Variants in USP32 observed in about 807,000 individuals in gnomAD.
USP32 encodes ubiquitin carboxyl-terminal hydrolase 32.
In USP32, 59 loss-of-function variants were observed where a neutral mutation model predicts 204.8. The observed-to-expected ratio is 0.29, with a 90% CI of 0.23 to 0.36. USP32 has a LOEUF of 0.36. Ranked by LOEUF, USP32 falls within the 10% of genes least tolerant of loss-of-function variation. The pLI is 1.00. For synonymous variants in USP32, 517 were observed against 678.4 expected, an observed-to-expected ratio of 0.76 and a Z score of 3.70; for missense variants, 1,160 against 1,946.4, an observed-to-expected ratio of 0.60 and a Z score of 7.60.
At chr17:60,349,643 T>TACACA (rs1491565591) in intron 1 of USP32, among the ~76,000 whole-genome samples, 2 of 97,116 alleles carry the variant, frequency 2.1e-5, no homozygotes, top group Admixed American at 1.1e-4. Context: ...TATATATATA[T>TACACA]TATATATATA....
chr17:60,375,454 T>C (rs529626342), intron 1 of USP32, among the ~76,000 whole-genome samples: 55 of 152,350 alleles, frequency 3.6e-4, no homozygotes, highest in African/African-American at 1.3e-3. Context: ...TAAAGGAACG[T>C]CTACAATGCA....
At chr17:60,416,387 G>T (rs759067659) in intron 1 of USP32, among the ~76,000 whole-genome samples, 2 of 152,100 alleles carry the variant, frequency 1.3e-5, no homozygotes, top group Admixed American at 6.6e-5. Flanking sequence ...TGAAACAGGC[G>T]TATGCCATCA....
chr17:60,347,951 T>C (rs2088829949), intron 1 of USP32, among the ~76,000 whole-genome samples: 1 of 151,506 alleles, frequency 6.6e-6, no homozygotes, highest in African/African-American at 2.4e-5. Flanking sequence ...TGAAACCCCG[T>C]CTCTACTAAA....
intron 2 of USP32, among the ~76,000 whole-genome samples, chr17:60,327,649 C>T (rs536890361): frequency 6.6e-6 from 1 of 152,224 alleles, no homozygotes; most frequent in Non-Finnish European, 1.5e-5. Context: ...CGACATGCTC[C>T]AGGCAGTGAG....
chr17:60,268,113 C>T (rs1373494978), intron 7 of USP32, among the ~76,000 whole-genome samples: 1 of 152,132 alleles, frequency 6.6e-6, no homozygotes, highest in Non-Finnish European at 1.5e-5. Context: ...GCCCGGCCAA[C>T]AATTTTAACT....
At chr17:60,415,236 A>C (rs1012381564) in intron 1 of USP32, among the ~76,000 whole-genome samples, 1 of 152,174 alleles carries the variant, frequency 6.6e-6, no homozygotes, top group Non-Finnish European at 1.5e-5. Flanking sequence ...CTGGCAGGGA[A>C]GACACAGGAC....
chr17:60,390,484 A>C (rs1046328891), intron 1 of USP32, among the ~76,000 whole-genome samples: 2 of 152,240 alleles, frequency 1.3e-5, no homozygotes, highest in African/African-American at 2.4e-5. Flanking sequence ...GGGGCAGACA[A>C]AAAAAGTTCA....
intron 1 of USP32, among the ~76,000 whole-genome samples, chr17:60,350,881 C>T (rs2088930960): frequency 6.6e-6 from 1 of 151,996 alleles, no homozygotes; most frequent in South Asian, 2.1e-4. Flanking sequence ...CACCTGTACC[C>T]CAAAAGCTAT....
intron 12 of USP32, among the ~76,000 whole-genome samples, chr17:60,232,122 G>C (rs912208995): frequency 6.6e-6 from 1 of 150,616 alleles, no homozygotes; most frequent in African/African-American, 2.4e-5. Context: ...GGCAGATGAA[G>C]CTCTAAGATC....
At position 60,251,302 on chromosome 17, in the gene USP32, C is replaced by T. The variant is rs184917008; in HGVS notation, c.1136+1079G>A. ...AAAAAAAATAATAATAATAAATAAC[C>T]GTTTTTAAAACTTGTCATTTAAAAA... On this transcript the variant is annotated intron_variant, in intron 11 of 33. Transcript: ENST00000300896. 3.1e-3 allele frequency among the ~76,000 whole-genome samples: 475 copies of T among 152,086 alleles called. 14 individuals carry two copies. The highest frequency in any genetic ancestry group is 0.026 in the Admixed American group (391 of 15,296).
intron 11 of USP32, among the ~76,000 whole-genome samples, chr17:60,246,722 T>C (rs2086037829): frequency 6.6e-6 from 1 of 152,212 alleles, no homozygotes; most frequent in African/African-American, 2.4e-5. Context: ...TTTGTCTTTT[T>C]TATAATAGCC....
chr17:60,231,711 A>G (rs973983352), intron 12 of USP32: 8 of 423,154 alleles, frequency 1.9e-5, no homozygotes, highest in African/African-American at 1.6e-4. Flanking sequence ...GAAAATCTGC[A>G]TGTGAATAGT....
intron 1 of USP32, among the ~76,000 whole-genome samples, chr17:60,388,376 A>T (rs1342008109): frequency 6.6e-6 from 1 of 152,114 alleles, no homozygotes; most frequent in Non-Finnish European, 1.5e-5. Flanking sequence ...AGAGAAGCAG[A>T]TAAGACAGAA....
At chr17:60,271,109 A>G (rs2086714095) in intron 6 of USP32, among the ~76,000 whole-genome samples, 1 of 152,176 alleles carries the variant, frequency 6.6e-6, no homozygotes, top group Non-Finnish European at 1.5e-5. Context: ...TTGGTCAAAC[A>G]CATTTTATAC....
chr17:60,252,048 C>A (rs932604168), intron 11 of USP32, among the ~76,000 whole-genome samples: 2 of 151,860 alleles, frequency 1.3e-5, no homozygotes, highest in Non-Finnish European at 2.9e-5. Context: ...TCTATAAAAT[C>A]TTTCTCTGCT....
upstream of USP32, among the ~76,000 whole-genome samples, chr17:60,394,878 G>A (rs1444120940): frequency 6.6e-6 from 1 of 152,010 alleles, no homozygotes; most frequent in Non-Finnish European, 1.5e-5. Flanking sequence ...TGGGTAGCTG[G>A]GATTATAGGC....
Position 60,321,346 on chromosome 17 carries a change from G to C in USP32, c.187-19642C>G, listed in dbSNP as rs766193854. 1.7e-3 allele frequency among the ~76,000 whole-genome samples: 254 copies of C among 152,228 alleles called. 1 individual carries two copies. The highest frequency in any genetic ancestry group is 5.9e-3 in the African/African-American group (245 of 41,534). On this transcript the variant is annotated intron_variant, in intron 2 of 33. Coordinates refer to ENST00000300896, the MANE Select transcript of USP32 (RefSeq NM_032582.4). ...AACTGACATTGGAACTACAACCAAC[G>C]TAAGACTGGTGGGAACTGATGCCCT...
chr17:60,248,114 C>T (rs1413225305), intron 11 of USP32, among the ~76,000 whole-genome samples: 1 of 152,180 alleles, frequency 6.6e-6, no homozygotes, highest in Non-Finnish European at 1.5e-5. Flanking sequence ...ACCTTTATTT[C>T]TGAATTACAG....
chr17:60,319,565 C>A (rs2088063749), intron 2 of USP32, among the ~76,000 whole-genome samples: 1 of 152,118 alleles, frequency 6.6e-6, no homozygotes, highest in Non-Finnish European at 1.5e-5. Context: ...ATTGCTTGAG[C>A]CCAGGAGTTT....
Sources: gnomAD v4.1 joint callset for allele counts (sites outside exome capture counted in the v4.1 genomes callset) on GRCh38, gnomAD v4.1.1 for gene constraint, MANE v1.5 for transcripts, NCBI Gene and HGNC (gene_info 2026-07-23, HGNC 2026-07-21) for gene names.